Variants in KIDINS220 observed in about 807,000 individuals in gnomAD.
KIDINS220 encodes the protein kinase D interacting substrate 220, also known as kinase D-interacting substrate of 220 kDa.
KIDINS220 carries 63 observed loss-of-function variants against 157.6 expected under a neutral mutation model. The observed-to-expected ratio is 0.40, with a 90% CI of 0.33 to 0.49. KIDINS220 has a LOEUF of 0.49. KIDINS220 is among the 20% of genes least tolerant of loss of function. The pLI is 0.66. For missense variants in KIDINS220, 1,772 were observed against 2,171.2 expected, an observed-to-expected ratio of 0.82 and a Z score of 3.65; for synonymous variants, 732 against 783.6, an observed-to-expected ratio of 0.93 and a Z score of 1.10.
chr2:8,826,799 A>G (rs183909400), intron 2 of KIDINS220, 187 bp downstream of exon 2: 94 of 355,468 alleles, frequency 2.6e-4, no homozygotes, highest in Non-Finnish European at 4.1e-4. Context: ...AGTCATTTAT[A>G]TAAGTTAAAA....
chr2:8,806,635 C>T (rs1014025699), intron 6 of KIDINS220, among the ~76,000 whole-genome samples: 2 of 152,184 alleles, frequency 1.3e-5, no homozygotes, highest in African/African-American at 4.8e-5. Flanking sequence ...GGCTGGAATG[C>T]AGTAGTGCAA....
intron 26 of KIDINS220, among the ~76,000 whole-genome samples, chr2:8,745,105 C>T (rs944406981): frequency 6.6e-6 from 1 of 152,184 alleles, no homozygotes; most frequent in African/African-American, 2.4e-5. Context: ...CTTTTAATGA[C>T]ATGTATTTGT....
intron 8 of KIDINS220, among the ~76,000 whole-genome samples, chr2:8,801,064 T>G (rs1191142805): frequency 6.6e-6 from 1 of 152,178 alleles, no homozygotes; most frequent in Non-Finnish European, 1.5e-5. Flanking sequence ...TTCCCCAGCA[T>G]AAGACTAAGT....
At chr2:8,771,091 G>A (rs780154159) in intron 21 of KIDINS220, among the ~76,000 whole-genome samples, 15 of 151,896 alleles carry the variant, frequency 9.9e-5, no homozygotes, top group Non-Finnish European at 1.9e-4. Context: ...ATACTTCTTC[G>A]ACCACGTATA....
intron 22 of KIDINS220, chr2:8,757,173 C>T (rs1668117924): frequency 2.7e-6 from 2 of 729,904 alleles, no homozygotes; most frequent in Admixed American, 6.2e-5. Flanking sequence ...CAAGATGCAA[C>T]CATTAGTTCA....
At chr2:8,770,625 C>G in intron 22 of KIDINS220, 45 bp downstream of exon 22, 1 of 778,116 alleles carries the variant, frequency 1.3e-6, no homozygotes, top group Non-Finnish European at 1.9e-6. Context: ...TTTTTTTTAA[C>G]TCAACCTAAA....
intron 26 of KIDINS220, among the ~76,000 whole-genome samples, chr2:8,744,379 AAAAAAAAAAATATATATATATAATAT>A (rs1410750975): frequency 0.012 from 330 of 26,518 alleles, 32 homozygotes; most frequent in African/African-American, 0.045. Context: ...AAAAAAAAAA[AAAAAAAAAAATATATATATATAATAT>A]ATATATATAT....
rs767548559 is a variant in KIDINS220, at chr2:8,782,299, GACTA to G, written c.2230-2489_2230-2486del. Among the ~76,000 whole-genome samples, 297 of 151,896 alleles carry G rather than the reference GACTA, an allele frequency of 2.0e-3. 2 individuals carry two copies. The highest frequency in any genetic ancestry group is 3.5e-3 in the Non-Finnish European group (238 of 67,950). On this transcript the variant is annotated intron_variant, in intron 17 of 29. Coordinates refer to ENST00000256707, the MANE Select transcript of KIDINS220 (RefSeq NM_020738.4). ...AGATAAACACAATCAATAAGCCTTGGACTAACTAAGATGAAAGAAGAGGAAACAC... is the reference window on the plus strand; with the variant it reads ...AGATAAACACAATCAATAAGCCTTGGACTAAGATGAAAGAAGAGGAAACAC...
intron 4 of KIDINS220, among the ~76,000 whole-genome samples, chr2:8,816,108 A>G (rs1677043755): frequency 6.6e-6 from 1 of 152,224 alleles, no homozygotes; most frequent in South Asian, 2.1e-4. Context: ...AGCCAAAATA[A>G]AGAACCTTTA....
Position 8,744,375 on chromosome 2 carries a change from AAAAAAAAAAAAAAATATATATATAT to A in KIDINS220, c.3585+2745_3585+2769del, listed in dbSNP as rs1263704771. On this transcript the variant is annotated intron_variant, in intron 26 of 29. Transcript: ENST00000256707. ...ATGTTCCTCATGGCAAAAAAAAAAA[AAAAAAAAAAAAAAATATATATATAT>A]AATATATATATATATATATATATAT... Among the ~76,000 whole-genome samples the A allele has an allele frequency of 7.8e-3, 68 of 8,706 alleles. 2 individuals carry two copies. Among genetic ancestry groups the A allele is most frequent in the African/African-American group, 0.02 (48 of 2,368 alleles). 5.7% of individuals were successfully genotyped at this position (8,706 alleles called of 152,430 possible). A position where few individuals can be genotyped will look rare whatever the true frequency, so the allele number is the denominator to read the frequency against.
chr2:8,765,135 G>C (rs553038192), intron 22 of KIDINS220, among the ~76,000 whole-genome samples: 1 of 152,280 alleles, frequency 6.6e-6, no homozygotes, highest in South Asian at 2.1e-4. Flanking sequence ...CAGTAAGAGG[G>C]AGAAGGAGCC....
At chr2:8,786,477 T>G (rs1024687567) in intron 15 of KIDINS220, 120 bp from the exon 16 acceptor site, 7 of 844,100 alleles carry the variant, frequency 8.3e-6, no homozygotes, top group African/African-American at 1.7e-5. Flanking sequence ...AAAATATTGT[T>G]TTTTAAATTC....
At chr2:8,767,602 C>T (rs1401912052) in intron 22 of KIDINS220, among the ~76,000 whole-genome samples, 3 of 151,864 alleles carry the variant, frequency 2.0e-5, no homozygotes, top group Non-Finnish European at 2.9e-5. Flanking sequence ...CAAATGATGG[C>T]GGGGAAGAGA....
Position 8,729,478 on chromosome 2 carries a change from G to A in KIDINS220, c.*1242C>T. On this transcript the variant is annotated 3_prime_UTR_variant, in exon 30 of 30. Coordinates refer to ENST00000256707, the MANE Select transcript of KIDINS220 (RefSeq NM_020738.4). ...AAACGATAACAATATTTCATTGCAT[G>A]ATGACAGGGTACATTTCTAGTCCAC... The A allele has an allele frequency of 1.0e-6, 1 of 985,362 alleles. No homozygotes were observed. The highest frequency in any genetic ancestry group is 1.2e-6 in the Non-Finnish European group (1 of 829,842). The allele number at this position is 985,362 out of a possible 1,614,324, so 61.0% of individuals were successfully genotyped here.
intron 22 of KIDINS220, among the ~76,000 whole-genome samples, chr2:8,752,815 AG>A (rs930568671): frequency 2.0e-5 from 3 of 152,210 alleles, no homozygotes; most frequent in African/African-American, 7.2e-5. Flanking sequence ...AAAAACAGAC[AG>A]GAAAAAACAT....
chr2:8,794,665 T>C (rs1162808499), intron 11 of KIDINS220, among the ~76,000 whole-genome samples: 1 of 152,206 alleles, frequency 6.6e-6, no homozygotes, highest in Non-Finnish European at 1.5e-5. Flanking sequence ...ATCACATTAG[T>C]GCTCACATCC....
intron 22 of KIDINS220, among the ~76,000 whole-genome samples, chr2:8,756,210 T>C (rs1466258793): frequency 6.6e-6 from 1 of 152,256 alleles, no homozygotes; most frequent in South Asian, 2.1e-4. Flanking sequence ...AAAGTTATTC[T>C]GAAATATTTT....
At position 8,730,526 on chromosome 2, in the gene KIDINS220, C is replaced by T. The variant is rs545619628; in HGVS notation, c.*194G>A. The T allele has an allele frequency of 1.3e-5, 19 of 1,425,258 alleles. No individual in the cohort carries two copies. Among genetic ancestry groups the T allele is most frequent in the Non-Finnish European group, 1.7e-5 (19 of 1,096,954 alleles). The allele number at this position is 1,425,258 out of a possible 1,614,324, so 88.3% of individuals were successfully genotyped here. On this transcript the variant is annotated 3_prime_UTR_variant, in exon 30 of 30. Transcript: ENST00000256707. ...CTGAAGCTTCTAATTACAAAGACCACAGAGGCTGGCTGGTGAGCCATGCTT... is the reference window on the plus strand; with the variant it reads ...CTGAAGCTTCTAATTACAAAGACCATAGAGGCTGGCTGGTGAGCCATGCTT...
At chr2:8,761,099 T>C (rs1668688555) in intron 22 of KIDINS220, among the ~76,000 whole-genome samples, 1 of 152,162 alleles carries the variant, frequency 6.6e-6, no homozygotes, top group African/African-American at 2.4e-5. Flanking sequence ...CCGACAAAAG[T>C]ACATGAGATC....
Sources: gnomAD v4.1 joint callset for allele counts (sites outside exome capture counted in the v4.1 genomes callset) on GRCh38, gnomAD v4.1.1 for gene constraint, MANE v1.5 for transcripts, NCBI Gene and HGNC (gene_info 2026-07-23, HGNC 2026-07-21) for gene names.